Variants in MRC2 observed in about 807,000 individuals in gnomAD.
MRC2 encodes mannose receptor C-type 2, also known as C-type mannose receptor 2.
MRC2 carries 84 observed loss-of-function variants against 206.2 expected under a neutral mutation model. The observed-to-expected ratio is 0.41, with a 90% CI of 0.34 to 0.49. The LOEUF is 0.49. Among genes scored for constraint, MRC2 ranks in the 20% least tolerant of loss-of-function variants. The pLI, the probability that MRC2 is intolerant of heterozygous loss-of-function variation, is 0.31. For synonymous variants in MRC2, 798 were observed against 800.0 expected (o/e 1.00, Z 0.04); for missense variants, 1,676 against 2,001.5 (o/e 0.84, Z 3.10).
intron 20 of MRC2, among the ~76,000 whole-genome samples, chr17:62,684,768 C>G (rs1598996070): frequency 6.6e-6 from 1 of 152,182 alleles, no homozygotes; most frequent in Non-Finnish European, 1.5e-5. Context: ...ATAATATAAT[C>G]CACAAATCCT....
At chr17:62,659,746 G>C (rs1598979581) in intron 1 of MRC2, among the ~76,000 whole-genome samples, 1 of 152,160 alleles carries the variant, frequency 6.6e-6, no homozygotes, top group South Asian at 2.1e-4. Context: ...GAGGGGCAGG[G>C]TCCCTGCCCC....
chr17:62,690,184 C>T lies in MRC2; in HGVS notation c.3771C>T (p.Tyr1257=), dbSNP rs1454033801. The T allele has an allele frequency of 3.1e-6, 5 of 1,609,974 alleles. No homozygotes were observed. The African/African-American group carries it at 6.7e-5, about 22-fold the overall frequency. ...CCCCTCCTCCCCGAAGAATAAGCTACCATGGCAGCTGTCCCCAGGGACTGG... is the reference window on the plus strand; with the variant it reads ...CCCCTCCTCCCCGAAGAATAAGCTATCATGGCAGCTGTCCCCAGGGACTGG... The part of the protein sequence containing the change: ...SGPPPPRRIS[Y]HGSCPQGLAD... Residue 1257 remains tyrosine, a synonymous_variant, in exon 26 of 30, where the codon TAC becomes TAT. Coordinates refer to ENST00000303375, the MANE Select transcript of MRC2 (RefSeq NM_006039.5).
chr17:62,686,449 T>TAA (rs2089033245), intron 20 of MRC2, among the ~76,000 whole-genome samples: 1 of 71,202 alleles, frequency 1.4e-5, no homozygotes, highest in African/African-American at 4.5e-5. Flanking sequence ...CAAGACTCCA[T>TAA]CTCAACAACA....
intron 1 of MRC2, among the ~76,000 whole-genome samples, chr17:62,650,995 C>A (rs2088549407): frequency 6.6e-6 from 1 of 152,142 alleles, no homozygotes. Flanking sequence ...AGTCACTTAA[C>A]CTTTCTGTGT....
intron 1 of MRC2, among the ~76,000 whole-genome samples, chr17:62,642,911 CT>C (rs1423457341): frequency 2.6e-5 from 4 of 152,196 alleles, no homozygotes; most frequent in African/African-American, 9.7e-5. Context: ...ATTGTGGCAG[CT>C]TCACAAAATT....
In MRC2 at chr17:62,679,894, G is replaced by C; in HGVS notation, c.2290G>C (p.Gly764Arg). ...RGGQSWRWSD[G>R]VGFSYHNFDR... ...GGGTCAGAGTTGGCGCTGGAGCGAC[G>C]GCGTAGGGGTGAGGGGGCCTGGGGT... The change falls in exon 14 of 30, where the codon GGC (glycine) becomes CGC (arginine). Residue 764 changes from glycine (G) to arginine (R), a missense_variant. Physicochemically the swap from Gly to Arg is moderately radical, Grantham distance 125. Coordinates refer to ENST00000303375, the MANE Select transcript of MRC2 (RefSeq NM_006039.5). The C allele has an allele frequency of 6.2e-7, 1 of 1,612,910 alleles. No individual in the cohort carries two copies. Among genetic ancestry groups the C allele is most frequent in the South Asian group, 1.1e-5 (1 of 90,926 alleles).
rs1366372594 is a variant in MRC2, at chr17:62,671,518, C to A, written c.1118-131C>A. On this transcript the variant is annotated intron_variant, in intron 6 of 29. Coordinates refer to ENST00000303375, the MANE Select transcript of MRC2 (RefSeq NM_006039.5). The surrounding 1 kb of genome is among the most constrained non-coding windows in gnomAD (Gnocchi z 4.5). ...GCATTTCCAAGACCTGTGGTGGGGA[C>A]CGGGATTGATCTGGGAGAGTTTGGA... 10 of 773,096 alleles carry A rather than the reference C, an allele frequency of 1.3e-5. No homozygotes were observed. The highest frequency in any genetic ancestry group is 3.8e-4 in the Middle Eastern group (1 of 2,652). The allele number at this position is 773,096 out of a possible 1,614,324, so 47.9% of individuals were successfully genotyped here.
chr17:62,629,066 C>G (rs762345324), intron 1 of MRC2, among the ~76,000 whole-genome samples: 1 of 152,204 alleles, frequency 6.6e-6, no homozygotes, highest in Non-Finnish European at 1.5e-5. Flanking sequence ...CACATTCACA[C>G]CAACCGGAGA....
At position 62,680,994 on chromosome 17, in the gene MRC2, G is replaced by C. The variant is rs569660763; in HGVS notation, c.2634+34G>C. The C allele has an allele frequency of 5.3e-5, 86 of 1,611,758 alleles. 1 individual carries two copies. The South Asian group carries it at 8.5e-4, about 16-fold the overall frequency. ...TGGATTGAGCAGGGGGCTGCAGGCT[G>C]GGGGAGGGCAGGCCCGGGATGAGGG... is the stretch of plus-strand genomic sequence containing the variant. On this transcript the variant is annotated intron_variant, in intron 17 of 29. Transcript: ENST00000303375. The surrounding 1 kb of genome is among the most constrained non-coding windows in gnomAD (Gnocchi z 4.8).
chr17:62,635,645 A>T (rs1239796371), intron 1 of MRC2, among the ~76,000 whole-genome samples: 1 of 152,106 alleles, frequency 6.6e-6, no homozygotes. Context: ...CATGCTGTTC[A>T]TTGGCCTCAA....
At position 62,664,890 on chromosome 17, in the gene MRC2, G is replaced by A. The variant is rs768328261; in HGVS notation, c.461G>A (p.Arg154His). The A allele has an allele frequency of 3.3e-5, 54 of 1,613,334 alleles. No individual in the cohort carries two copies. The highest frequency in any genetic ancestry group is 4.5e-5 in the East Asian group (2 of 44,878). ...ACCCTTGAGCGTGGTGACCAGACCC[G>A]CAGTGGCCAGTGGCGCATCTACGGC... ...PGTLERGDQT[R>H]SGQWRIYGSE... The change falls in exon 2 of 30, where the codon CGC becomes CAC. Residue 154 changes from arginine (R) to histidine (H), a missense_variant. By Grantham distance (29) the Arg-to-His change is conservative. Transcript: ENST00000303375. The surrounding 1 kb of genome is among the most constrained non-coding windows in gnomAD (Gnocchi z 4.7).
intron 20 of MRC2, among the ~76,000 whole-genome samples, chr17:62,686,994 G>A (rs2089040013): frequency 6.6e-6 from 1 of 152,144 alleles, no homozygotes. Flanking sequence ...ACTGTGTCAT[G>A]TACTGTTATC....
chr17:62,665,958 C>CA, intron 2 of MRC2, 136 bp from the exon 3 acceptor site: 1 of 859,198 alleles, frequency 1.2e-6, no homozygotes, highest in Non-Finnish European at 1.8e-6. Context: ...TATGGGGTGC[C>CA]ATTGCCTCTC....
At chr17:62,636,843 G>A (rs1214659495) in intron 1 of MRC2, among the ~76,000 whole-genome samples, 1 of 152,064 alleles carries the variant, frequency 6.6e-6, no homozygotes, top group Non-Finnish European at 1.5e-5. Flanking sequence ...CTGGGCTCAT[G>A]CGATTCTTCT....
In MRC2 at chr17:62,680,111, A is replaced by AT; in HGVS notation, c.2299-58dup. 1 of 1,606,910 alleles carries AT rather than the reference A, an allele frequency of 6.2e-7. No homozygotes were observed. Among genetic ancestry groups the AT allele is most frequent in the Non-Finnish European group, 8.5e-7 (1 of 1,175,724 alleles). The stretch of plus-strand genomic sequence containing the variant: ...GGCCTCTTGTTCACCTGTTCCGGGC[A>AT]TGGGGGCGGCCTGCACCTTGCGCCT... On this transcript the variant is annotated intron_variant, in intron 14 of 29. Coordinates refer to ENST00000303375, the MANE Select transcript of MRC2 (RefSeq NM_006039.5). This position sits in a 1 kb window ranked among gnomAD's most constrained non-coding sequence, Gnocchi z 4.8.
intron 1 of MRC2, among the ~76,000 whole-genome samples, chr17:62,659,545 C>G (rs1369980802): frequency 8.9e-6 from 1 of 112,400 alleles, no homozygotes; most frequent in Non-Finnish European, 1.9e-5. Context: ...GACTCTGTAT[C>G]AAAAAAAAAA....
In MRC2 at chr17:62,678,438, C is replaced by T. The variant is rs1241205883; in HGVS notation, c.2053-66C>T. On this transcript the variant is annotated intron_variant, in intron 12 of 29. Coordinates refer to ENST00000303375, the MANE Select transcript of MRC2 (RefSeq NM_006039.5). The stretch of plus-strand genomic sequence containing the variant: ...CCCTCCTCTGCCATGGTGGGAAAGG[C>T]AGTAGGTGCCCCCTGAGGGGTGGGC... 21 of 1,568,462 alleles carry T rather than the reference C, an allele frequency of 1.3e-5. No homozygotes were observed. In the Admixed American group the frequency reaches 3.0e-4, roughly 23 times the overall value.
At position 62,650,336 on chromosome 17, in the gene MRC2, T is replaced by C. The variant is rs117816292; in HGVS notation, c.119-14212T>C. On this transcript the variant is annotated intron_variant, in intron 1 of 29. Coordinates refer to ENST00000303375, the MANE Select transcript of MRC2 (RefSeq NM_006039.5). ...GGGCACAAAAGGGATGGGTGGAGAC[T>C]GTGGCAAACCGGTGAGCCCACACCC... 5.9e-5 allele frequency among the ~76,000 whole-genome samples: 9 copies of C among 152,350 alleles called. 1 individual carries two copies. The East Asian group carries it at 1.7e-3, about 29-fold the overall frequency.
chr17:62,634,217 T>A (rs2088283104), intron 1 of MRC2, among the ~76,000 whole-genome samples: 1 of 152,194 alleles, frequency 6.6e-6, no homozygotes, highest in Admixed American at 6.5e-5. Context: ...ATTTGTAAAC[T>A]GTCGTGGCGC....
Sources: gnomAD v4.1 joint callset for allele counts (sites outside exome capture counted in the v4.1 genomes callset) on GRCh38, gnomAD v4.1.1 for gene constraint, Gnocchi (gnomAD v3.1) non-coding constraint, MANE v1.5 for transcripts, NCBI Gene and HGNC (gene_info 2026-07-23, HGNC 2026-07-21) for gene names.